ZMAT4: variants seen among roughly 807,000 people sequenced by gnomAD.
The protein encoded by ZMAT4 is zinc finger matrin-type protein 4.
In ZMAT4, 17 loss-of-function variants were observed where a neutral mutation model predicts 28.7. That is an observed-to-expected ratio of 0.59 (90% CI 0.41 to 0.89). The LOEUF (loss-of-function observed/expected upper bound fraction) is 0.89, where lower values mean the gene tolerates loss of function less well. Among genes scored for constraint, ZMAT4 ranks in the 40% least tolerant of loss-of-function variants. The pLI, the probability that ZMAT4 is intolerant of heterozygous loss-of-function variation, is 0.00. For synonymous variants in ZMAT4, 117 were observed against 109.2 expected, an observed-to-expected ratio of 1.07 and a Z score of -0.44; for missense variants, 240 against 283.8, an observed-to-expected ratio of 0.85 and a Z score of 1.11.
At chr8:40,567,722 C>CA (rs139227575) in intron 6 of ZMAT4, among the ~76,000 whole-genome samples, 14,037 of 147,186 alleles carry the variant, frequency 0.095, 858 homozygotes, top group Admixed American at 0.19. Context: ...AAAGAAAGAA[C>CA]AAAAAAAAAC....
intron 3 of ZMAT4, among the ~76,000 whole-genome samples, chr8:40,721,482 G>A (rs2150517443): frequency 6.9e-6 from 1 of 144,726 alleles, no homozygotes; most frequent in South Asian, 2.4e-4. Context: ...ATAGTCATTT[G>A]GGTATATACC....
chr8:40,633,301 C>A (rs1214055129), intron 5 of ZMAT4, among the ~76,000 whole-genome samples: 1 of 152,180 alleles, frequency 6.6e-6, no homozygotes, highest in African/African-American at 2.4e-5. Flanking sequence ...CAAGCCTGAG[C>A]AATTCAACTC....
chr8:40,626,097 C>T (rs1352599427), intron 5 of ZMAT4, among the ~76,000 whole-genome samples: 1 of 112,660 alleles, frequency 8.9e-6, no homozygotes, highest in Non-Finnish European at 1.7e-5. Flanking sequence ...GCAACAAGAG[C>T]AAAACTCTGC....
At chr8:40,873,628 C>T (rs1563258620) in intron 1 of ZMAT4, among the ~76,000 whole-genome samples, 1 of 152,182 alleles carries the variant, frequency 6.6e-6, no homozygotes, top group African/African-American at 2.4e-5. Flanking sequence ...AAAGCTAGGT[C>T]ATCCAGCAAC....
At chr8:40,669,002 A>AG (rs1487080700) in intron 5 of ZMAT4, among the ~76,000 whole-genome samples, 6 of 152,060 alleles carry the variant, frequency 3.9e-5, no homozygotes, top group Non-Finnish European at 7.4e-5. Flanking sequence ...CCCATAGGTC[A>AG]GGGGGGTCAG....
At chr8:40,652,200 A>G (rs1807697354) in intron 5 of ZMAT4, among the ~76,000 whole-genome samples, 1 of 126,396 alleles carries the variant, frequency 7.9e-6, no homozygotes, top group Non-Finnish European at 1.7e-5. Context: ...AAGGGCTAAT[A>G]TCCAGAATCT....
chr8:40,878,836 C>G (rs1185521452), intron 1 of ZMAT4, among the ~76,000 whole-genome samples: 1 of 152,184 alleles, frequency 6.6e-6, no homozygotes, highest in Non-Finnish European at 1.5e-5. Context: ...GAGTGTTTTT[C>G]CAGCATCCCA....
chr8:40,772,260 G>A (rs181253864), intron 2 of ZMAT4, among the ~76,000 whole-genome samples: 65 of 152,300 alleles, frequency 4.3e-4, no homozygotes, highest in Non-Finnish European at 8.2e-4. Context: ...TGCGGGGACA[G>A]ACCTATCTGA....
chr8:40,753,529 C>T (rs1157631736), intron 3 of ZMAT4, among the ~76,000 whole-genome samples: 1 of 152,166 alleles, frequency 6.6e-6, no homozygotes, highest in African/African-American at 2.4e-5. Flanking sequence ...TAAAAATTAA[C>T]ATCCATTCCC....
At chr8:40,576,983 C>G (rs1254885633) in intron 6 of ZMAT4, among the ~76,000 whole-genome samples, 2 of 152,112 alleles carry the variant, frequency 1.3e-5, no homozygotes, top group African/African-American at 4.8e-5. Flanking sequence ...CACCTGAGGT[C>G]AGGAGTTCAA....
At chr8:40,796,547 C>T (rs749847623) in intron 2 of ZMAT4, among the ~76,000 whole-genome samples, 1 of 152,086 alleles carries the variant, frequency 6.6e-6, no homozygotes, top group African/African-American at 2.4e-5. Context: ...ATCACTGTCT[C>T]TGTGGTATTT....
At chr8:40,725,347 G>T (rs188785265) in intron 3 of ZMAT4, among the ~76,000 whole-genome samples, 233 of 152,200 alleles carry the variant, frequency 1.5e-3, no homozygotes, top group African/African-American at 5.5e-3. Flanking sequence ...CTAATGTAAC[G>T]TCTTTCCTGA....
chr8:40,766,833 C>A (rs375295702), intron 3 of ZMAT4, among the ~76,000 whole-genome samples: 2 of 152,130 alleles, frequency 1.3e-5, no homozygotes, highest in South Asian at 2.1e-4. Context: ...AAAAGAAAAC[C>A]GTCATCTACA....
chr8:40,662,026 G>A (rs539163463), intron 5 of ZMAT4, among the ~76,000 whole-genome samples: 1 of 152,162 alleles, frequency 6.6e-6, no homozygotes, highest in Non-Finnish European at 1.5e-5. Flanking sequence ...ACCCAGGCTG[G>A]AGTGCAGTGG....
intron 5 of ZMAT4, among the ~76,000 whole-genome samples, chr8:40,663,811 T>C (rs1393081729): frequency 6.6e-6 from 1 of 152,246 alleles, no homozygotes; most frequent in Non-Finnish European, 1.5e-5. Context: ...ATCGTATGTG[T>C]TTAAGGGTCC....
At chr8:40,809,717 AC>A (rs1199586169) in intron 2 of ZMAT4, among the ~76,000 whole-genome samples, 5 of 152,120 alleles carry the variant, frequency 3.3e-5, no homozygotes, top group Non-Finnish European at 7.4e-5. Context: ...ATAGATAGAT[AC>A]CCCTGCTTTA....
intron 6 of ZMAT4, among the ~76,000 whole-genome samples, chr8:40,565,923 C>A (rs1489649846): frequency 6.6e-6 from 1 of 152,076 alleles, no homozygotes; most frequent in African/African-American, 2.4e-5. Context: ...AGGCCCCCAG[C>A]ACTCTCTCCT....
At chr8:40,824,030 A>G (rs185278447) in intron 2 of ZMAT4, among the ~76,000 whole-genome samples, 57 of 152,250 alleles carry the variant, frequency 3.7e-4, no homozygotes, top group African/African-American at 1.1e-3. Context: ...TCACCACAAA[A>G]TCCTGAGGAG....
chr8:40,829,260 A>AAGGCACATTGCAAAGGC (rs1816188166), intron 1 of ZMAT4, among the ~76,000 whole-genome samples: 1 of 152,204 alleles, frequency 6.6e-6, no homozygotes, highest in Non-Finnish European at 1.5e-5. Flanking sequence ...GCACATTGCA[A>AAGGCACATTGCAAAGGC]AGGCACATTG....
Sources: allele counts gnomAD v4.1 joint callset (sites outside exome capture counted in the v4.1 genomes callset), GRCh38; gene constraint gnomAD v4.1.1; transcripts MANE v1.5; gene names NCBI Gene and HGNC (gene_info 2026-07-23, HGNC 2026-07-21).